The following SYNPR variants were observed in gnomAD, a reference collection of about 807,000 sequenced individuals.
The protein encoded by SYNPR is synaptoporin.
In SYNPR, 23 loss-of-function variants were observed where a neutral mutation model predicts 32.9. The observed-to-expected ratio is 0.70, with a 90% CI of 0.50 to 0.99. The LOEUF (loss-of-function observed/expected upper bound fraction) is 0.99. SYNPR is among the 50% of genes least tolerant of loss of function. SYNPR has a pLI of 0.00. For synonymous variants in SYNPR, 146 were observed against 135.9 expected (o/e 1.07, Z -0.52); for missense variants, 318 against 349.3 (o/e 0.91, Z 0.71).
At chr3:63,343,984 G>C (rs2087404912) in intron 2 of SYNPR, among the ~76,000 whole-genome samples, 2 of 152,230 alleles carry the variant, frequency 1.3e-5, no homozygotes, top group African/African-American at 4.8e-5. Flanking sequence ...ACCCCCGAGT[G>C]AAGCCTCACA....
intron 3 of SYNPR, among the ~76,000 whole-genome samples, chr3:63,529,182 A>G (rs1702068029): frequency 1.3e-5 from 2 of 152,242 alleles, no homozygotes; most frequent in South Asian, 4.1e-4. Flanking sequence ...GGGGAAACCA[A>G]AATCCTCCAA....
At chr3:63,550,431 G>A (rs1702480234) in intron 3 of SYNPR, among the ~76,000 whole-genome samples, 1 of 151,660 alleles carries the variant, frequency 6.6e-6, no homozygotes, top group Non-Finnish European at 1.5e-5. Context: ...TACCCAGTAT[G>A]GCTGGTAGGC....
At chr3:63,417,833 C>G (rs1559494018) in intron 2 of SYNPR, among the ~76,000 whole-genome samples, 1 of 152,198 alleles carries the variant, frequency 6.6e-6, no homozygotes, top group Admixed American at 6.5e-5. Flanking sequence ...CTGCTCACAG[C>G]AGAGGGACCC....
At chr3:63,539,339 G>A (rs552087075) in intron 3 of SYNPR, among the ~76,000 whole-genome samples, 6 of 152,094 alleles carry the variant, frequency 3.9e-5, no homozygotes, top group African/African-American at 1.2e-4. Context: ...TCCTGGGCTC[G>A]AGTTTCTAAA....
At position 63,361,040 on chromosome 3, in the gene SYNPR, C is replaced by G. The variant is rs150087620; in HGVS notation, c.84+82298C>G. Among the ~76,000 whole-genome samples, 3 of 152,272 alleles carry G rather than the reference C, an allele frequency of 2.0e-5. No homozygotes were observed. In the East Asian group the frequency reaches 5.8e-4, roughly 29 times the overall value. On this transcript the variant is annotated intron_variant, in intron 2 of 5. Coordinates refer to ENST00000478300, the MANE Select transcript of SYNPR (RefSeq NM_001130003.2). The stretch of plus-strand genomic sequence containing the variant: ...GATAAATATCGGAATAAATTAATGA[C>G]TATATTATAATGTCACTACTGAGGT...
intron 2 of SYNPR, among the ~76,000 whole-genome samples, chr3:63,285,047 T>C (rs550341005): frequency 2.0e-5 from 3 of 152,334 alleles, no homozygotes; most frequent in African/African-American, 4.8e-5. Context: ...CTTTTTCCAA[T>C]GTGGCAAGCA....
chr3:63,365,201 T>A (rs1167376493), intron 2 of SYNPR, among the ~76,000 whole-genome samples: 2 of 152,196 alleles, frequency 1.3e-5, no homozygotes, highest in Non-Finnish European at 2.9e-5. Flanking sequence ...GAAGTTCAAC[T>A]GTATAATTTG....
At chr3:63,306,314 G>C (rs1035007394) in intron 2 of SYNPR, among the ~76,000 whole-genome samples, 2 of 151,934 alleles carry the variant, frequency 1.3e-5, no homozygotes, top group Non-Finnish European at 2.9e-5. Flanking sequence ...ACTCCTTGGA[G>C]AGGGTTCTCC....
Position 63,365,035 on chromosome 3 carries a change from C to T in SYNPR, c.84+86293C>T, listed in dbSNP as rs574794662. 2.0e-5 allele frequency among the ~76,000 whole-genome samples: 3 copies of T among 152,168 alleles called. No homozygotes were observed. The South Asian group carries it at 6.2e-4, about 32-fold the overall frequency. ...TTGGAGAGTCTAAAAACAACCTGCA[C>T]AAGTCCACGAAAAGGGAGTGATCAC... On this transcript the variant is annotated intron_variant, in intron 2 of 5. Coordinates refer to ENST00000478300, the MANE Select transcript of SYNPR (RefSeq NM_001130003.2).
intron 2 of SYNPR, among the ~76,000 whole-genome samples, chr3:63,455,989 G>C (rs1357764065): frequency 6.6e-6 from 1 of 152,002 alleles, no homozygotes; most frequent in Non-Finnish European, 1.5e-5. Context: ...CACATGGCTG[G>C]GGAGGCCTCA....
chr3:63,321,349 A>G (rs992441157), intron 2 of SYNPR, among the ~76,000 whole-genome samples: 1 of 152,048 alleles, frequency 6.6e-6, no homozygotes, highest in African/African-American at 2.4e-5. Context: ...CCAAAGAAGA[A>G]AGTATGTTTT....
chr3:63,234,646 G>T (rs1168397235), intron 1 of SYNPR, among the ~76,000 whole-genome samples: 1 of 152,166 alleles, frequency 6.6e-6, no homozygotes, highest in African/African-American at 2.4e-5. Context: ...AATGAAAAAT[G>T]AAAGAAGTAG....
At chr3:63,500,645 CAAA>C (rs1701461614) in intron 3 of SYNPR, among the ~76,000 whole-genome samples, 2 of 152,094 alleles carry the variant, frequency 1.3e-5, no homozygotes, top group African/African-American at 4.8e-5. Flanking sequence ...ATTTTAAAAC[CAAA>C]AAGAATGGTT....
At chr3:63,338,697 C>A (rs1405027333) in intron 2 of SYNPR, among the ~76,000 whole-genome samples, 1 of 152,152 alleles carries the variant, frequency 6.6e-6, no homozygotes, top group South Asian at 2.1e-4. Context: ...AAAAGCCTGT[C>A]CAAGGACACA....
At position 63,464,380 on chromosome 3, in the gene SYNPR, A is replaced by G. The variant is rs1312087228; in HGVS notation, c.85-16452A>G. ...GGCTTTCAACCAGGCAAGGAAAATT[A>G]TGTAATTGCATCCTGCATTCTTTGT... On this transcript the variant is annotated intron_variant, in intron 2 of 5. Transcript: ENST00000478300. Among the ~76,000 whole-genome samples, 2 of 152,310 alleles carry G rather than the reference A, an allele frequency of 1.3e-5. 1 individual carries two copies. Among genetic ancestry groups the G allele is most frequent in the South Asian group, 4.1e-4 (2 of 4,826 alleles).
intron 2 of SYNPR, among the ~76,000 whole-genome samples, chr3:63,421,641 G>A (rs933430240): frequency 1.3e-5 from 2 of 152,100 alleles, no homozygotes; most frequent in East Asian, 3.9e-4. Flanking sequence ...TTAAAACAAC[G>A]CACATTTATT....
At chr3:63,300,331 T>TCTATCTATCTATCTA (rs145289436) in intron 2 of SYNPR, among the ~76,000 whole-genome samples, 1 of 151,326 alleles carries the variant, frequency 6.6e-6, no homozygotes, top group African/African-American at 2.4e-5. Flanking sequence ...CATTCTTTGC[T>TCTATCTATCTATCTA]TCTATCTATC....
chr3:63,201,509 T>C, the SYNPR span, among the ~76,000 whole-genome samples: 1 of 152,150 alleles, frequency 6.6e-6, no homozygotes, highest in East Asian at 1.9e-4. Flanking sequence ...ACTAGTAGGA[T>C]AACACTATAA....
chr3:63,554,376 T>C (rs1482839978), intron 3 of SYNPR, among the ~76,000 whole-genome samples: 1 of 152,238 alleles, frequency 6.6e-6, no homozygotes, highest in African/African-American at 2.4e-5. Context: ...CGTCTTGAGT[T>C]AATTTTTTTA....
Sources: allele counts gnomAD v4.1 joint callset (sites outside exome capture counted in the v4.1 genomes callset), GRCh38; gene constraint gnomAD v4.1.1; transcripts MANE v1.5; gene names NCBI Gene and HGNC (gene_info 2026-07-23, HGNC 2026-07-21).